Variants in PLEKHA2 observed in about 807,000 individuals in gnomAD.
PLEKHA2 encodes pleckstrin homology domain containing A2, also known as pleckstrin homology domain-containing family A member 2.
Under a neutral mutation model 53.2 loss-of-function variants are expected in PLEKHA2, and 28 were observed. The ratio of observed to expected loss-of-function variants is 0.53; its 90% CI spans 0.39 to 0.72. The LOEUF (loss-of-function observed/expected upper bound fraction) is 0.72. Among genes scored for constraint, PLEKHA2 ranks in the 30% least tolerant of loss-of-function variants. PLEKHA2 has a pLI of 0.00. For missense variants in PLEKHA2, 426 were observed against 537.9 expected (o/e 0.79, Z 2.06); for synonymous variants, 193 against 196.4 (o/e 0.98, Z 0.14).
At chr8:38,957,191 G>A in intron 9 of PLEKHA2, 132 bp from the exon 10 acceptor site, 1 of 623,700 alleles carries the variant, frequency 1.6e-6, no homozygotes, top group Non-Finnish European at 2.8e-6. Flanking sequence ...AGGAGCTGAA[G>A]GAAGAATGGC....
chr8:38,911,791 T>C (rs1833958497), intron 1 of PLEKHA2, among the ~76,000 whole-genome samples: 1 of 151,870 alleles, frequency 6.6e-6, no homozygotes, highest in Non-Finnish European at 1.5e-5. Flanking sequence ...GCCTGGGCTA[T>C]GTAGGGAGAC....
chr8:38,955,068 A>G (rs1356807650), intron 9 of PLEKHA2, among the ~76,000 whole-genome samples: 3 of 152,178 alleles, frequency 2.0e-5, no homozygotes, highest in African/African-American at 7.2e-5. Flanking sequence ...TACATTTTTT[A>G]AAATTTCTAT....
chr8:38,945,650 G>C (rs753808426), intron 4 of PLEKHA2, among the ~76,000 whole-genome samples: 4 of 152,170 alleles, frequency 2.6e-5, no homozygotes, highest in Non-Finnish European at 5.9e-5. Context: ...TGAGGCCAAG[G>C]TCACAGATTT....
intron 2 of PLEKHA2, among the ~76,000 whole-genome samples, chr8:38,920,575 GT>G (rs911420176): frequency 6.9e-4 from 92 of 134,112 alleles, no homozygotes; most frequent in South Asian, 9.6e-4. Flanking sequence ...GCACCTGGCC[GT>G]TTTTTTTTTT....
intron 10 of PLEKHA2, among the ~76,000 whole-genome samples, chr8:38,964,541 A>C (rs1052791982): frequency 6.6e-6 from 1 of 152,042 alleles, no homozygotes; most frequent in Non-Finnish European, 1.5e-5. Context: ...TTACCCTTCC[A>C]AGTTCATGGA....
chr8:38,934,644 C>A (rs13256110), intron 2 of PLEKHA2, among the ~76,000 whole-genome samples: 46,757 of 151,808 alleles, frequency 0.31, 7,446 homozygotes, highest in Non-Finnish European at 0.34. Context: ...TTCATCCCTG[C>A]CAGTGGGGAC....
rs776266598 is a variant in PLEKHA2, at chr8:38,950,972, C to T, written c.468C>T (p.Val156=). Residue 156 remains valine, a synonymous_variant, in exon 6 of 12, where the codon GTC becomes GTT. Transcript: ENST00000617275. ...CGGAGATCATTGGAGGGGTGGTGGTCCACACACCCATCAGCCAGGTGAGGG... is the reference window on the plus strand; with the variant it reads ...CGGAGATCATTGGAGGGGTGGTGGTTCACACACCCATCAGCCAGGTGAGGG... ...YKTEIIGGVV[V]HTPISQNGGD... 2 of 1,613,686 alleles carry T rather than the reference C, an allele frequency of 1.2e-6. No homozygotes were observed. Among genetic ancestry groups the T allele is most frequent in the South Asian group, 2.2e-5 (2 of 91,012 alleles).
chr8:38,930,398 T>C (rs1274080512), intron 2 of PLEKHA2, among the ~76,000 whole-genome samples: 1 of 152,116 alleles, frequency 6.6e-6, no homozygotes, highest in Non-Finnish European at 1.5e-5. Context: ...GAGAAGGGGT[T>C]TCACCATGTT....
chr8:38,906,291 T>C (rs887512267), intron 1 of PLEKHA2, among the ~76,000 whole-genome samples: 1 of 152,224 alleles, frequency 6.6e-6, no homozygotes, highest in African/African-American at 2.4e-5. Flanking sequence ...AACAACCACA[T>C]TTTCTTTGAA....
At chr8:38,968,081 A>G (rs576729841) in intron 10 of PLEKHA2, among the ~76,000 whole-genome samples, 90 of 152,314 alleles carry the variant, frequency 5.9e-4, no homozygotes, top group African/African-American at 2.1e-3. Flanking sequence ...TCTGAAGGCA[A>G]TACATATCTT....
intron 4 of PLEKHA2, among the ~76,000 whole-genome samples, chr8:38,944,674 G>A (rs888116355): frequency 9.9e-5 from 15 of 152,036 alleles, no homozygotes; most frequent in South Asian, 2.1e-4. Flanking sequence ...ATGAGAAACC[G>A]CCCCCACGAC....
chr8:38,918,020 A>G lies in PLEKHA2; in HGVS notation c.91A>G (p.Ile31Val). Reference sequence around the variant, plus strand: ...CGGCAAGTTTCTGCGGAGGTACTTCATTCTGGACACCCAGGCTAACTGCCT... The same window carrying G: ...CGGCAAGTTTCTGCGGAGGTACTTCGTTCTGGACACCCAGGCTAACTGCCT... The part of the protein sequence containing the change: ...NSGKFLRRYF[I>V]LDTQANCLLW... The change falls in exon 2 of 12, where the codon ATT (isoleucine) becomes GTT (valine). Residue 31 changes from isoleucine to valine, a missense_variant. Physicochemically the swap from Ile to Val is conservative, Grantham distance 29 (BLOSUM62 3). Coordinates refer to ENST00000617275, the MANE Select transcript of PLEKHA2 (RefSeq NM_021623.2). The G allele has an allele frequency of 1.2e-6, 2 of 1,613,546 alleles. No homozygotes were observed. The highest frequency in any genetic ancestry group is 1.7e-6 in the Non-Finnish European group (2 of 1,179,656).
chr8:38,918,055 T>C lies in PLEKHA2; in HGVS notation c.126T>C (p.Tyr42=), dbSNP rs764104683. ...CCCAGGCTAACTGCCTCCTCTGGTA[T>C]ATGGACAACCCCCAGGTGAGAGGGT... is the stretch of plus-strand genomic sequence containing the variant. ...LDTQANCLLW[Y]MDNPQNLAMG... Residue 42 remains tyrosine (Y), a synonymous_variant, in exon 2 of 12, where the codon TAT becomes TAC. Transcript: ENST00000617275. The C allele has an allele frequency of 1.5e-5, 25 of 1,613,082 alleles. No homozygotes were observed. In the South Asian group the frequency reaches 2.6e-4, roughly 17 times the overall value.
At chr8:38,916,536 C>G (rs1834065902) in intron 1 of PLEKHA2, among the ~76,000 whole-genome samples, 2 of 152,124 alleles carry the variant, frequency 1.3e-5, no homozygotes, top group South Asian at 4.1e-4. Context: ...TTCTGTGGCT[C>G]TCTTATTTCA....
intron 1 of PLEKHA2, among the ~76,000 whole-genome samples, chr8:38,907,754 A>G (rs912972796): frequency 6.1e-5 from 3 of 49,484 alleles, no homozygotes; most frequent in Non-Finnish European, 1.3e-4. Context: ...GAGTGAGACC[A>G]TATCTCAAAA....
At chr8:38,960,505 A>G (rs1364875395) in intron 10 of PLEKHA2, among the ~76,000 whole-genome samples, 1 of 152,204 alleles carries the variant, frequency 6.6e-6, no homozygotes, top group Non-Finnish European at 1.5e-5. Flanking sequence ...AAAATGAGCA[A>G]TCATAAACTC....
At chr8:38,927,107 C>T (rs1400975591) in intron 2 of PLEKHA2, among the ~76,000 whole-genome samples, 1 of 152,170 alleles carries the variant, frequency 6.6e-6, no homozygotes, top group Non-Finnish European at 1.5e-5. Flanking sequence ...CAAAACTTCT[C>T]TTTGGTATGT....
chr8:38,951,005 T>C lies in PLEKHA2; in HGVS notation c.486+15T>C. ...CCATCAGCCAGGTGAGGGGCCTGAC[T>C]GGGGCTGCGGGGGGAGTGGGGGTGT... On this transcript the variant is annotated intron_variant, in intron 6 of 11. Coordinates refer to ENST00000617275, the MANE Select transcript of PLEKHA2 (RefSeq NM_021623.2). 6 of 1,432,948 alleles carry C rather than the reference T, an allele frequency of 4.2e-6. No homozygotes were observed. The highest frequency in any genetic ancestry group is 4.6e-6 in the Non-Finnish European group (5 of 1,077,826). The allele number at this position is 1,432,948 out of a possible 1,614,324, so 88.8% of individuals were successfully genotyped here.
intron 2 of PLEKHA2, among the ~76,000 whole-genome samples, chr8:38,924,286 G>C (rs1834244678): frequency 6.6e-6 from 1 of 152,164 alleles, no homozygotes; most frequent in African/African-American, 2.4e-5. Context: ...CTGGTTGGAG[G>C]GGCATTTAGG....
Sources: gnomAD v4.1 joint callset for allele counts (sites outside exome capture counted in the v4.1 genomes callset) on GRCh38, gnomAD v4.1.1 for gene constraint, MANE v1.5 for transcripts, NCBI Gene and HGNC (gene_info 2026-07-23, HGNC 2026-07-21) for gene names.